FSTL4: variants seen among roughly 807,000 people sequenced by gnomAD.
FSTL4 encodes the protein follistatin like 4.
Under a neutral mutation model 78.2 loss-of-function variants are expected in FSTL4, and 28 were observed. The ratio of observed to expected loss-of-function variants is 0.36; its 90% CI spans 0.27 to 0.49. The LOEUF (loss-of-function observed/expected upper bound fraction) is 0.49, where lower values mean the gene tolerates loss of function less well. Among genes scored for constraint, FSTL4 ranks in the 20% least tolerant of loss-of-function variants. The probability of loss-of-function intolerance (pLI) is 0.98; values close to 1 mark genes in which losing one functional copy is unlikely to be tolerated. For synonymous variants in FSTL4, 422 were observed against 440.5 expected (o/e 0.96, Z 0.53); for missense variants, 922 against 1,084.9 (o/e 0.85, Z 2.11).
intron 3 of FSTL4, among the ~76,000 whole-genome samples, chr5:133,432,362 C>T (rs563338982): frequency 1.7e-4 from 26 of 152,314 alleles, no homozygotes; most frequent in African/African-American, 5.5e-4. Context: ...CCCACAATAT[C>T]TACCCAATGC....
chr5:133,513,575 T>G (rs948086366), intron 3 of FSTL4, among the ~76,000 whole-genome samples: 2 of 152,200 alleles, frequency 1.3e-5, no homozygotes, highest in Non-Finnish European at 2.9e-5. Flanking sequence ...CCAATTCCAA[T>G]TCTATGGAAT....
At chr5:133,422,739 C>A (rs1756726638) in intron 3 of FSTL4, among the ~76,000 whole-genome samples, 1 of 152,126 alleles carries the variant, frequency 6.6e-6, no homozygotes, top group Admixed American at 6.5e-5. Flanking sequence ...CAGTGTCATC[C>A]TACACAAATT....
intron 3 of FSTL4, among the ~76,000 whole-genome samples, chr5:133,559,587 C>T (rs1014166710): frequency 2.0e-5 from 3 of 152,118 alleles, no homozygotes; most frequent in Non-Finnish European, 2.9e-5. Context: ...ATGACCTCTT[C>T]GACAATGTGA....
intron 4 of FSTL4, among the ~76,000 whole-genome samples, chr5:133,334,686 G>T (rs1472585631): frequency 6.6e-6 from 1 of 152,206 alleles, no homozygotes; most frequent in Non-Finnish European, 1.5e-5. Context: ...GTTGCTTTGA[G>T]TAGACAGTAT....
chr5:133,266,237 C>T (rs1752638312), intron 6 of FSTL4, among the ~76,000 whole-genome samples: 1 of 152,262 alleles, frequency 6.6e-6, no homozygotes, highest in South Asian at 2.1e-4. Context: ...GGTACACAGA[C>T]CACAGCACGC....
chr5:133,451,605 C>A (rs6887707), intron 3 of FSTL4, among the ~76,000 whole-genome samples: 20,761 of 152,056 alleles, frequency 0.14, 2,644 homozygotes, highest in African/African-American at 0.34. Context: ...AAAAGGCCAA[C>A]AGGACCAAAA....
At chr5:133,691,630 G>A in the FSTL4 span, among the ~76,000 whole-genome samples, 2 of 152,032 alleles carry the variant, frequency 1.3e-5, no homozygotes, top group Non-Finnish European at 2.9e-5. Context: ...ACTGAACCCC[G>A]CTCTTATTCA....
rs775101447 is a variant in FSTL4, at chr5:133,535,213, T to C, written c.160+31973A>G. ...CTGGTCAGCATCCTGATCTTGGACT[T>C]TGCAGCCTTCAAAACTGTGAGAACT... On this transcript the variant is annotated intron_variant, in intron 3 of 15. Transcript: ENST00000265342. 9.3e-4 allele frequency among the ~76,000 whole-genome samples: 141 copies of C among 152,298 alleles called. 1 individual carries two copies. Among genetic ancestry groups the C allele is most frequent in the Non-Finnish European group, 9.1e-4 (62 of 68,014 alleles).
chr5:133,427,599 G>A (rs553046998), intron 3 of FSTL4: 4 of 519,932 alleles, frequency 7.7e-6, no homozygotes, highest in Middle Eastern at 3.9e-4. Context: ...CGGGAATGGC[G>A]GGGGCGATAG....
intron 6 of FSTL4, among the ~76,000 whole-genome samples, chr5:133,276,754 G>T (rs143471054): frequency 6.6e-6 from 1 of 152,266 alleles, no homozygotes; most frequent in Non-Finnish European, 1.5e-5. Context: ...CATACCAAAG[G>T]CTTGCACAAG....
chr5:133,786,610 A>T, the FSTL4 span, among the ~76,000 whole-genome samples: 1 of 152,134 alleles, frequency 6.6e-6, no homozygotes, highest in East Asian at 1.9e-4. Flanking sequence ...TGGGAAACAC[A>T]CCCAGGGGAG....
the FSTL4 span, among the ~76,000 whole-genome samples, chr5:133,676,135 C>T: frequency 6.6e-6 from 1 of 152,172 alleles, no homozygotes; most frequent in Admixed American, 6.5e-5. Flanking sequence ...CAGCAAAACA[C>T]AATATGGGGT....
chr5:133,374,030 G>C (rs554552311), intron 4 of FSTL4, among the ~76,000 whole-genome samples: 11 of 152,234 alleles, frequency 7.2e-5, no homozygotes, highest in Admixed American at 2.0e-4. Context: ...CTGAAATGAA[G>C]TCCCTTGGGC....
chr5:133,716,013 A>G, the FSTL4 span, among the ~76,000 whole-genome samples: 3 of 152,216 alleles, frequency 2.0e-5, no homozygotes, highest in Admixed American at 2.0e-4. Context: ...GAGTTCAAGA[A>G]AGAATTCTTA....
At position 133,278,110 on chromosome 5, in the gene FSTL4, C is replaced by T. The variant is rs1752928734; in HGVS notation, c.728-28534G>A. ...GCCCCCAGGATCACCCCCAGCACAT[C>T]AGAGGTGACTGGTCTCATGGCCTGT... On this transcript the variant is annotated intron_variant, in intron 6 of 15. Coordinates refer to ENST00000265342, the MANE Select transcript of FSTL4 (RefSeq NM_015082.2). Among the ~76,000 whole-genome samples the T allele has an allele frequency of 2.0e-5, 3 of 152,292 alleles. No individual in the cohort carries two copies. In the South Asian group the frequency reaches 6.2e-4, roughly 32 times the overall value.
chr5:133,223,367 A>C (rs1424435561), intron 11 of FSTL4, among the ~76,000 whole-genome samples: 1 of 152,202 alleles, frequency 6.6e-6, no homozygotes, highest in African/African-American at 2.4e-5. Flanking sequence ...CACCGTGTGA[A>C]GTTCTTGAGG....
the FSTL4 span, among the ~76,000 whole-genome samples, chr5:133,634,729 T>A: frequency 2.6e-5 from 4 of 152,176 alleles, no homozygotes; most frequent in African/African-American, 9.7e-5. Context: ...ACAGATGACA[T>A]CAACTGAGAT....
the FSTL4 span, among the ~76,000 whole-genome samples, chr5:133,790,533 G>A: frequency 6.6e-6 from 1 of 152,036 alleles, no homozygotes; most frequent in African/African-American, 2.4e-5. Flanking sequence ...CCATCTAAAG[G>A]CCAATCAATG....
intron 3 of FSTL4, among the ~76,000 whole-genome samples, chr5:133,421,537 C>T (rs1756695704): frequency 6.6e-6 from 1 of 152,272 alleles, no homozygotes; most frequent in Non-Finnish European, 1.5e-5. Flanking sequence ...TCTTCGCTTG[C>T]CCTTGTGGTG....
Sources: allele counts gnomAD v4.1 joint callset (sites outside exome capture counted in the v4.1 genomes callset), GRCh38; gene constraint gnomAD v4.1.1; transcripts MANE v1.5; gene names NCBI Gene and HGNC (gene_info 2026-07-23, HGNC 2026-07-21).